Variants in ASCC3 observed in about 807,000 individuals in gnomAD.
ASCC3 encodes ASC-1 complex subunit P200.
In ASCC3, 158 loss-of-function variants were observed where a neutral mutation model predicts 256.3. The ratio of observed to expected loss-of-function variants is 0.62; its 90% CI spans 0.54 to 0.70. The LOEUF is 0.70. Among genes scored for constraint, ASCC3 ranks in the 30% least tolerant of loss-of-function variants. The pLI is 0.00. For synonymous variants in ASCC3, 948 were observed against 883.4 expected, an observed-to-expected ratio of 1.07 and a Z score of -1.30; for missense variants, 2,259 against 2,626.0, an observed-to-expected ratio of 0.86 and a Z score of 3.05.
chr6:100,863,983 T>TA (rs1220211762), intron 3 of ASCC3, 81 bp downstream of exon 3: 15 of 1,224,154 alleles, frequency 1.2e-5, no homozygotes, highest in Non-Finnish European at 1.7e-5. Flanking sequence ...TTCCTTTACA[T>TA]AGTATGTTGT....
At chr6:100,544,810 A>G (rs1020963604) in intron 36 of ASCC3, among the ~76,000 whole-genome samples, 1 of 152,156 alleles carries the variant, frequency 6.6e-6, no homozygotes, top group African/African-American at 2.4e-5. Context: ...TTCCCAACTA[A>G]TTTGATGGCA....
At position 100,731,487 on chromosome 6, in the gene ASCC3, A is replaced by C. The variant is rs113056881; in HGVS notation, c.1738-5784T>G. Among the ~76,000 whole-genome samples, 5 of 152,218 alleles carry C rather than the reference A, an allele frequency of 3.3e-5. 1 individual carries two copies. The highest frequency in any genetic ancestry group is 1.2e-4 in the African/African-American group (5 of 41,538). On this transcript the variant is annotated intron_variant, in intron 10 of 41. Transcript: ENST00000369162. ...ACAAACCATAAAGCCCTTGTTCATC[A>C]CTCTAACTGCTTATCTGTAATACTC...
intron 34 of ASCC3, among the ~76,000 whole-genome samples, chr6:100,601,198 C>T (rs1410748338): frequency 2.0e-5 from 3 of 152,008 alleles, no homozygotes; most frequent in Non-Finnish European, 2.9e-5. Context: ...GCTTGAATAT[C>T]GTTCTACTAG....
intron 14 of ASCC3, among the ~76,000 whole-genome samples, chr6:100,674,796 G>A (rs1341377891): frequency 2.0e-5 from 3 of 151,862 alleles, no homozygotes; most frequent in African/African-American, 4.8e-5. Flanking sequence ...ACCATGCATG[G>A]CTTTTTTTGT....
intron 13 of ASCC3, 161 bp downstream of exon 13, chr6:100,715,301 C>T (rs1401113998): frequency 1.1e-5 from 7 of 613,370 alleles, no homozygotes; most frequent in Non-Finnish European, 2.0e-5. Context: ...TATGACTTAC[C>T]CATTGGGCTA....
intron 36 of ASCC3, among the ~76,000 whole-genome samples, chr6:100,572,086 C>A (rs1023713200): frequency 1.3e-5 from 2 of 152,002 alleles, no homozygotes; most frequent in African/African-American, 4.8e-5. Context: ...TCTATATAGA[C>A]GATGCTATAG....
At chr6:100,630,848 A>G (rs991761517) in intron 26 of ASCC3, among the ~76,000 whole-genome samples, 1 of 152,094 alleles carries the variant, frequency 6.6e-6, no homozygotes, top group Non-Finnish European at 1.5e-5. Context: ...TAGAGTGAAA[A>G]TATTTTGAAA....
chr6:100,518,208 C>G, intron 37 of ASCC3, 66 bp from the exon 38 acceptor site: 1 of 1,552,710 alleles, frequency 6.4e-7, no homozygotes, highest in Non-Finnish European at 8.9e-7. Flanking sequence ...CACTGGGATT[C>G]TGATGTTAGC....
At chr6:100,545,788 C>T (rs13216824) in intron 36 of ASCC3, among the ~76,000 whole-genome samples, 13 of 152,184 alleles carry the variant, frequency 8.5e-5, no homozygotes, top group East Asian at 3.9e-4. Flanking sequence ...TACTATGTTG[C>T]GGAGACTGAT....
At chr6:100,554,192 C>T (rs1022660660) in intron 36 of ASCC3, among the ~76,000 whole-genome samples, 2 of 152,074 alleles carry the variant, frequency 1.3e-5, no homozygotes, top group Admixed American at 1.3e-4. Context: ...TCTACTTTGA[C>T]TTTTTCTTTA....
At chr6:100,680,644 G>T (rs1777251450) in intron 13 of ASCC3, among the ~76,000 whole-genome samples, 1 of 152,154 alleles carries the variant, frequency 6.6e-6, no homozygotes, top group Non-Finnish European at 1.5e-5. Context: ...ACAATCTAAA[G>T]ATAGTATGTG....
chr6:100,596,543 T>A (rs925940339), intron 34 of ASCC3, among the ~76,000 whole-genome samples: 1 of 152,208 alleles, frequency 6.6e-6, no homozygotes, highest in African/African-American at 2.4e-5. Flanking sequence ...GTTACCAATA[T>A]GATACACTCT....
In ASCC3 at chr6:100,509,147, T is replaced by C. The variant is rs1384042525; in HGVS notation, c.*239A>G. 2 of 523,848 alleles carry C rather than the reference T, an allele frequency of 3.8e-6. No homozygotes were observed. The highest frequency in any genetic ancestry group is 6.8e-6 in the Non-Finnish European group (2 of 291,990). The allele number at this position is 523,848 out of a possible 1,614,324, so 32.4% of individuals were successfully genotyped here. A position where few individuals can be genotyped will look rare whatever the true frequency, so the allele number is the denominator to read the frequency against. ...ATTAAAAGATTATTCTAAATGCTTTTTCATCTTACATATCAAGAAACTCAT... is the reference window on the plus strand; with the variant it reads ...ATTAAAAGATTATTCTAAATGCTTTCTCATCTTACATATCAAGAAACTCAT... On this transcript the variant is annotated 3_prime_UTR_variant, in exon 42 of 42. Transcript: ENST00000369162.
chr6:100,735,942 C>A (rs538886658), intron 10 of ASCC3, among the ~76,000 whole-genome samples: 12 of 152,238 alleles, frequency 7.9e-5, no homozygotes, highest in African/African-American at 2.9e-4. Flanking sequence ...TGTGGCATCT[C>A]CATACCCACA....
intron 5 of ASCC3, among the ~76,000 whole-genome samples, chr6:100,801,665 A>C (rs540514601): frequency 6.6e-6 from 1 of 152,074 alleles, no homozygotes; most frequent in Admixed American, 6.6e-5. Flanking sequence ...CTATATTAGG[A>C]CTAAATTTTA....
intron 17 of ASCC3, among the ~76,000 whole-genome samples, chr6:100,653,323 A>G (rs1775759582): frequency 6.6e-6 from 1 of 152,104 alleles, no homozygotes; most frequent in Non-Finnish European, 1.5e-5. Context: ...TTTCCCTGTC[A>G]AAATCAAGAT....
intron 30 of ASCC3, among the ~76,000 whole-genome samples, chr6:100,609,883 C>T (rs1295436371): frequency 6.6e-6 from 1 of 152,042 alleles, no homozygotes. Context: ...GCATTCCAGC[C>T]TGGGCAACAG....
chr6:100,817,050 G>A (rs574644491), intron 4 of ASCC3, among the ~76,000 whole-genome samples: 21 of 151,978 alleles, frequency 1.4e-4, no homozygotes, highest in South Asian at 8.3e-4. Flanking sequence ...TCTCTAGCAC[G>A]CATGAAACTT....
intron 10 of ASCC3, among the ~76,000 whole-genome samples, chr6:100,760,865 T>A (rs1781389398): frequency 1.3e-5 from 2 of 152,284 alleles, no homozygotes; most frequent in South Asian, 4.1e-4. Context: ...ACAAAAGATC[T>A]ATTCCCATCA....
Sources: allele counts gnomAD v4.1 joint callset (sites outside exome capture counted in the v4.1 genomes callset), GRCh38; gene constraint gnomAD v4.1.1; transcripts MANE v1.5; gene names NCBI Gene and HGNC (gene_info 2026-07-23, HGNC 2026-07-21).